Variants in CACNA1B observed in about 807,000 individuals in gnomAD.
CACNA1B encodes the protein calcium voltage-gated channel subunit alpha1 B.
In CACNA1B, 70 loss-of-function variants were observed where a neutral mutation model predicts 247.2. The ratio of observed to expected loss-of-function variants is 0.28; its 90% CI spans 0.23 to 0.35. The LOEUF (loss-of-function observed/expected upper bound fraction) is 0.35. Ranked by LOEUF, CACNA1B falls within the 10% of genes least tolerant of loss-of-function variation. The pLI is 1.00. For synonymous variants in CACNA1B, 1,231 were observed against 1,294.4 expected, an observed-to-expected ratio of 0.95 and a Z score of 1.05; for missense variants, 2,367 against 3,197.4, an observed-to-expected ratio of 0.74 and a Z score of 6.26.
intron 6 of CACNA1B, among the ~76,000 whole-genome samples, chr9:137,927,000 A>G (rs1957558529): frequency 6.6e-6 from 1 of 152,154 alleles, no homozygotes; most frequent in Non-Finnish European, 1.5e-5. Context: ...TACTGAATTG[A>G]TGGTGTCATT....
Position 137,955,692 on chromosome 9 carries a change from T to C in CACNA1B, c.1071-6T>C. 1.2e-6 allele frequency: 2 copies of C among 1,600,208 alleles called. No individual in the cohort carries two copies. Among genetic ancestry groups the C allele is most frequent in the Admixed American group, 1.7e-5 (1 of 59,408 alleles). On this transcript the variant is annotated splice_region_variant and splice_polypyrimidine_tract_variant and intron_variant, in intron 7 of 46. Coordinates refer to ENST00000371372, the MANE Select transcript of CACNA1B (RefSeq NM_000718.4). The surrounding 1 kb of genome is among the most constrained non-coding windows in gnomAD (Gnocchi z 6.9). ...TGATCTTGCTTTTCCGGCCCCTGCA[T>C]GGTAGGGAGTTTGCCAAGGAGCGAG... is the stretch of plus-strand genomic sequence containing the variant.
At position 138,027,363 on chromosome 9, in the gene CACNA1B, C is replaced by T. The variant is rs149432487; in HGVS notation, c.3286+2191C>T. Among the ~76,000 whole-genome samples, 273 of 152,166 alleles carry T rather than the reference C, an allele frequency of 1.8e-3. 1 individual carries two copies. Among genetic ancestry groups the T allele is most frequent in the African/African-American group, 6.4e-3 (264 of 41,526 alleles). On this transcript the variant is annotated intron_variant, in intron 20 of 46. Coordinates refer to ENST00000371372, the MANE Select transcript of CACNA1B (RefSeq NM_000718.4). ...ATGTATCCTGCTACTTTTCTGAATCCTCAAATTGTTTATTAGTTTCACTGA... is the reference window on the plus strand; with the variant it reads ...ATGTATCCTGCTACTTTTCTGAATCTTCAAATTGTTTATTAGTTTCACTGA...
intron 20 of CACNA1B, 38 bp from the exon 21 acceptor site, chr9:138,043,736 C>T (rs201644036): frequency 7.4e-6 from 12 of 1,612,776 alleles, no homozygotes; most frequent in East Asian, 4.5e-5. Context: ...GCTTCATGTG[C>T]ACTACACCCC....
At chr9:138,038,761 G>A (rs1022813288) in intron 20 of CACNA1B, among the ~76,000 whole-genome samples, 8 of 152,192 alleles carry the variant, frequency 5.3e-5, no homozygotes, top group African/African-American at 1.4e-4. Flanking sequence ...CTCACCTCAC[G>A]GTGTGCTTCT....
intron 10 of CACNA1B, among the ~76,000 whole-genome samples, chr9:137,968,281 G>A (rs1958104938): frequency 6.6e-6 from 1 of 152,140 alleles, no homozygotes; most frequent in African/African-American, 2.4e-5. Flanking sequence ...TGGTGCCCTC[G>A]ACTGCCTTCT....
intron 32 of CACNA1B, among the ~76,000 whole-genome samples, chr9:138,071,470 G>A (rs934745602): frequency 6.6e-6 from 1 of 152,184 alleles, no homozygotes; most frequent in Non-Finnish European, 1.5e-5. Context: ...GCATGCAGCT[G>A]GCATGGTGCT....
At chr9:137,894,300 G>C (rs914079184) in intron 3 of CACNA1B, among the ~76,000 whole-genome samples, 2 of 122,090 alleles carry the variant, frequency 1.6e-5, no homozygotes, top group African/African-American at 7.7e-5. Flanking sequence ...GGTTGTCTCT[G>C]TATTTTTTTT....
intron 37 of CACNA1B, among the ~76,000 whole-genome samples, chr9:138,101,656 G>A (rs1299648073): frequency 6.6e-6 from 1 of 152,244 alleles, no homozygotes; most frequent in Non-Finnish European, 1.5e-5. Flanking sequence ...GGAGGAAAGG[G>A]CAGAGGCAGA....
chr9:138,050,031 C>T lies in CACNA1B; in HGVS notation c.3710+716C>T, dbSNP rs1291033609. The stretch of plus-strand genomic sequence containing the variant: ...CGGCTGGGAGGGCTGCTCCTGGTGC[C>T]ACTGACTCTGTTCTCTTTGTCTTCC... On this transcript the variant is annotated intron_variant, in intron 24 of 46. Coordinates refer to ENST00000371372, the MANE Select transcript of CACNA1B (RefSeq NM_000718.4). The surrounding 1 kb of genome is among the most constrained non-coding windows in gnomAD (Gnocchi z 5.2). 4.7e-6 allele frequency: 6 copies of T among 1,285,662 alleles called. No homozygotes were observed. Among genetic ancestry groups the T allele is most frequent in the Admixed American group, 2.3e-5 (1 of 43,534 alleles). 79.6% of individuals were successfully genotyped at this position (1,285,662 alleles called of 1,614,324 possible). A position where few individuals can be genotyped will look rare whatever the true frequency, so the allele number is the denominator to read the frequency against.
At position 137,891,748 on chromosome 9, in the gene CACNA1B, G is replaced by A. The variant is rs555902758; in HGVS notation, c.530+8865G>A. The A allele has an allele frequency of 1.3e-5, 4 of 314,910 alleles. No homozygotes were observed. The highest frequency in any genetic ancestry group is 2.5e-5 in the Non-Finnish European group (4 of 160,546). The allele number at this position is 314,910 out of a possible 1,614,324, so 19.5% of individuals were successfully genotyped here. A position where few individuals can be genotyped will look rare whatever the true frequency, so the allele number is the denominator to read the frequency against. On this transcript the variant is annotated intron_variant, in intron 3 of 46. Transcript: ENST00000371372. The surrounding 1 kb of genome is among the most constrained non-coding windows in gnomAD (Gnocchi z 4.3). ...GAAGGCAGGTGCTGGCTGTGGGGCT[G>A]TAGAGTGGAGGGGCCTCCACCCTGC...
In CACNA1B at chr9:137,954,905, G is replaced by GGA. The variant is rs143201199; in HGVS notation, c.1071-776_1071-775dup. Reference sequence around the variant, plus strand: ...GAGAGAGAGAGAGAGAGAGAGAGGGGGAGAGAGAGAGAGAGAGAATGGCTT... The same window carrying GGA: ...GAGAGAGAGAGAGAGAGAGAGAGGGGGAGAGAGAGAGAGAGAGAGAATGGCTT... On this transcript the variant is annotated intron_variant, in intron 7 of 46. Transcript: ENST00000371372. The surrounding 1 kb of genome is among the most constrained non-coding windows in gnomAD (Gnocchi z 4.1). 7.8e-5 allele frequency among the ~76,000 whole-genome samples: 9 copies of GGA among 114,662 alleles called. No individual in the cohort carries two copies. Among genetic ancestry groups the GGA allele is most frequent in the South Asian group, 5.5e-4 (2 of 3,622 alleles). 75.2% of individuals were successfully genotyped at this position (114,662 alleles called of 152,430 possible).
At chr9:137,946,758 C>T (rs990368849) in intron 6 of CACNA1B, among the ~76,000 whole-genome samples, 1 of 152,116 alleles carries the variant, frequency 6.6e-6, no homozygotes, top group African/African-American at 2.4e-5. Context: ...GTCAAGTGTC[C>T]TGAGTTGGAA....
chr9:138,041,269 C>T (rs1366620434), intron 20 of CACNA1B, among the ~76,000 whole-genome samples: 2 of 152,126 alleles, frequency 1.3e-5, no homozygotes, highest in Admixed American at 6.5e-5. Context: ...CTGGAAAGAG[C>T]GGTTCCTCAG....
chr9:138,101,227 A>G (rs2097233216), intron 37 of CACNA1B: 1 of 519,708 alleles, frequency 1.9e-6, no homozygotes, highest in Non-Finnish European at 3.9e-6. Context: ...CCTCCATCCA[A>G]CATACTTCCC....
Position 137,913,152 on chromosome 9 carries a change from C to T in CACNA1B, c.531-28C>T, listed in dbSNP as rs763180834. Reference sequence around the variant, plus strand: ...TCCAGGCTCAATGTGGAAACCTTTACTTCCCTTCTTCTCCTTGTTTCTGCC... The same window carrying T: ...TCCAGGCTCAATGTGGAAACCTTTATTTCCCTTCTTCTCCTTGTTTCTGCC... On this transcript the variant is annotated intron_variant, in intron 3 of 46. Transcript: ENST00000371372. The surrounding 1 kb of genome is among the most constrained non-coding windows in gnomAD (Gnocchi z 5.2). 1.9e-6 allele frequency: 3 copies of T among 1,568,354 alleles called. No individual in the cohort carries two copies. The highest frequency in any genetic ancestry group is 2.2e-5 in the South Asian group (2 of 89,978).
In CACNA1B at chr9:137,913,244, C is replaced by T; in HGVS notation, c.595C>T (p.Pro199Ser). 1 of 1,613,880 alleles carries T rather than the reference C, an allele frequency of 6.2e-7. No individual in the cohort carries two copies. The highest frequency in any genetic ancestry group is 8.5e-7 in the Non-Finnish European group (1 of 1,179,818). ...RTLRAVRVLR[P>S]LKLVSGIPSL... ...ACTGAGGGCTGTGCGTGTGCTGAGG[C>T]CCCTGAAGCTGGTGTCTGGGATTCC... Residue 199 changes from proline (P) to serine (S), a missense_variant, in exon 4 of 47, where the codon CCC (proline) becomes TCC (serine). This residue lies in a region of CACNA1B where 130 missense variants were observed against 338.7 expected (regional missense o/e 0.38). Transcript: ENST00000371372. This position sits in a 1 kb window ranked among gnomAD's most constrained non-coding sequence, Gnocchi z 5.2.
At chr9:138,022,939 G>A (rs7042567) in intron 18 of CACNA1B, 72 bp from the exon 19 acceptor site, 9 of 1,431,992 alleles carry the variant, frequency 6.3e-6, no homozygotes, top group Admixed American at 2.7e-5. Flanking sequence ...TGCTGTGTGT[G>A]CATTGTGGCC....
intron 36 of CACNA1B, among the ~76,000 whole-genome samples, chr9:138,091,206 T>C (rs1487885580): frequency 6.6e-6 from 1 of 152,120 alleles, no homozygotes; most frequent in Non-Finnish European, 1.5e-5. Flanking sequence ...TATTTAGCCA[T>C]AAAAAGAATG....
intron 25 of CACNA1B, among the ~76,000 whole-genome samples, chr9:138,053,412 G>A (rs1244534480): frequency 6.6e-6 from 1 of 152,204 alleles, no homozygotes; most frequent in East Asian, 1.9e-4. Context: ...GTGGTCAGGG[G>A]CCTGAGGGCC....
Sources: allele counts gnomAD v4.1 joint callset (sites outside exome capture counted in the v4.1 genomes callset), GRCh38; gene constraint gnomAD v4.1.1; regional missense constraint gnomAD v4.1.1; non-coding constraint Gnocchi (gnomAD v3.1); transcripts MANE v1.5; gene names NCBI Gene and HGNC (gene_info 2026-07-23, HGNC 2026-07-21).